REST: variants seen among roughly 807,000 people sequenced by gnomAD.
REST encodes RE1 silencing transcription factor.
REST carries 1 observed loss-of-function variant against 30.4 expected under a neutral mutation model. That is an observed-to-expected ratio of 0.03 (90% CI 0.01 to 0.16). The LOEUF is 0.16. Among genes scored for constraint, REST ranks in the 10% least tolerant of loss-of-function variants. The pLI is 1.00. For synonymous variants in REST, 504 were observed against 451.1 expected (o/e 1.12, Z -1.49); for missense variants, 1,259 against 1,329.5 (o/e 0.95, Z 0.82).
In REST at chr4:56,921,490, A is replaced by C. The variant is rs191119590; in HGVS notation, c.982+1620A>C. 1.9e-4 allele frequency among the ~76,000 whole-genome samples: 29 copies of C among 152,084 alleles called. No homozygotes were observed. In the East Asian group the frequency reaches 5.4e-3, roughly 28 times the overall value. The stretch of plus-strand genomic sequence containing the variant: ...GTGGCGCGCATCTCAGCTCACTGCA[A>C]CCTCTGCCTCCGGGGTTCAAGCAAT... On this transcript the variant is annotated intron_variant, in intron 3 of 3. Transcript: ENST00000309042.
Position 56,926,066 on chromosome 4 carries a change from G to A in REST, c.983-3775G>A, listed in dbSNP as rs540104074. ...ATACGTAAGAGTCTTCCCCTTGATTGATCGATTGATTGAGATGGAGTCTCA... is the reference window on the plus strand; with the variant it reads ...ATACGTAAGAGTCTTCCCCTTGATTAATCGATTGATTGAGATGGAGTCTCA... On this transcript the variant is annotated intron_variant, in intron 3 of 3. Coordinates refer to ENST00000309042, the MANE Select transcript of REST (RefSeq NM_005612.5). Among the ~76,000 whole-genome samples the A allele has an allele frequency of 2.6e-5, 4 of 152,226 alleles. No homozygotes were observed. The South Asian group carries it at 6.2e-4, about 24-fold the overall frequency.
In REST at chr4:56,930,431, G is replaced by T. The variant is rs1393178453; in HGVS notation, c.1573G>T (p.Val525Phe). ...KTKKSKRKLEVDSHSLHGPVN... is the reference protein window; with the variant it reads ...KTKKSKRKLEFDSHSLHGPVN... Reference sequence around the variant, plus strand: ...TAAGAAAAGCAAAAGGAAGCTGGAAGTTGACAGCCATTCTTTACATGGTCC... The same window carrying T: ...TAAGAAAAGCAAAAGGAAGCTGGAATTTGACAGCCATTCTTTACATGGTCC... The change falls in exon 4 of 4, where the codon GTT (valine) becomes TTT (phenylalanine). Residue 525 changes from valine to phenylalanine, a missense_variant. This residue lies in a region of REST where 856 missense variants were observed against 772.8 expected (regional missense o/e 1.11). Transcript: ENST00000309042. 6.2e-7 allele frequency: 1 copy of T among 1,613,870 alleles called. No individual in the cohort carries two copies. Among genetic ancestry groups the T allele is most frequent in the East Asian group, 2.2e-5 (1 of 44,882 alleles).
Position 56,921,339 on chromosome 4 carries a change from C to G in REST, c.982+1469C>G, listed in dbSNP as rs559557946. 1.7e-3 allele frequency among the ~76,000 whole-genome samples: 253 copies of G among 152,246 alleles called. 1 individual carries two copies. Among genetic ancestry groups the G allele is most frequent in the Non-Finnish European group, 3.0e-3 (201 of 68,008 alleles). The stretch of plus-strand genomic sequence containing the variant: ...TAGCCACATGTGGCTATTAAGCTTT[C>G]GAAACATTAGTAGTTTGAATTGATA... On this transcript the variant is annotated intron_variant, in intron 3 of 3. Transcript: ENST00000309042.
intron 1 of REST, among the ~76,000 whole-genome samples, chr4:56,910,247 G>A (rs1389558834): frequency 6.6e-6 from 1 of 152,092 alleles, no homozygotes; most frequent in African/African-American, 2.4e-5. Flanking sequence ...AAAGTTGGGA[G>A]GACAATAATT....
chr4:56,920,345 T>G (rs1023933776), intron 3 of REST, among the ~76,000 whole-genome samples: 9 of 150,516 alleles, frequency 6.0e-5, no homozygotes, highest in South Asian at 2.1e-4. Flanking sequence ...AAAGTTTAGC[T>G]TGAAAAAGAA....
intron 3 of REST, among the ~76,000 whole-genome samples, chr4:56,926,207 G>A (rs1384264867): frequency 1.3e-5 from 2 of 150,140 alleles, no homozygotes; most frequent in Non-Finnish European, 3.0e-5. Context: ...TTACAGGCAT[G>A]CACCACCACG....
In REST at chr4:56,932,081, T is replaced by A; in HGVS notation, c.3223T>A (p.Tyr1075Asn). Residue 1075 changes from tyrosine (Y) to asparagine (N), a missense_variant, in exon 4 of 4, where the codon TAC becomes AAC. Physicochemically the swap from Tyr to Asn is moderately radical, Grantham distance 143. Transcript: ENST00000309042. The stretch of plus-strand genomic sequence containing the variant: ...TCGTTCTTTCAGAAAGGGAAAAGAT[T>A]ACAGCAAACACCTCAATCGCCATTT... ...CDRSFRKGKDYSKHLNRHLVN... is the reference protein window; with the variant it reads ...CDRSFRKGKDNSKHLNRHLVN... 6.2e-7 allele frequency: 1 copy of A among 1,614,232 alleles called. No homozygotes were observed. The highest frequency in any genetic ancestry group is 8.5e-7 in the Non-Finnish European group (1 of 1,180,046).
intron 3 of REST, among the ~76,000 whole-genome samples, chr4:56,929,270 C>T (rs778812885): frequency 9.2e-5 from 14 of 151,680 alleles, no homozygotes; most frequent in Admixed American, 6.6e-4. Context: ...GGGGTTTCAC[C>T]GTGTTGGCCA....
In REST at chr4:56,930,877, T is replaced by C. The variant is rs781605508; in HGVS notation, c.2019T>C (p.Ala673=). The change falls in exon 4 of 4, where the codon GCT becomes GCC. Residue 673 remains alanine (A), a synonymous_variant. Transcript: ENST00000309042. ...AGCTGCTGCCTCCCGTGGAGCCTGC[T>C]CAGATGGTGGGTGCCCAAATTGTAC... is the stretch of plus-strand genomic sequence containing the variant. The part of the protein sequence containing the change: ...QKELLPPVEP[A]QMVGAQIVLA... 1 of 1,613,688 alleles carries C rather than the reference T, an allele frequency of 6.2e-7. No individual in the cohort carries two copies. The highest frequency in any genetic ancestry group is 8.5e-7 in the Non-Finnish European group (1 of 1,179,870).
chr4:56,924,838 T>C (rs1720610676), intron 3 of REST, among the ~76,000 whole-genome samples: 1 of 152,100 alleles, frequency 6.6e-6, no homozygotes, highest in African/African-American at 2.4e-5. Context: ...TTGCTGGTAA[T>C]GTATTGTATG....
rs369789287 is a variant in REST, at chr4:56,911,246, C to G, written c.608C>G (p.Ser203Cys). The G allele has an allele frequency of 2.3e-5, 37 of 1,614,054 alleles. No individual in the cohort carries two copies. In the African/African-American group the frequency reaches 3.1e-4, roughly 13 times the overall value. Reference protein sequence around the residue: ...EKQAKARESGSSTAEEGDFSK... With the variant: ...EKQAKARESGCSTAEEGDFSK... ...CAGGCAAAAGCCAGGGAATCTGGCT[C>G]TTCCACTGCAGAAGAGGGAGATTTC... is the stretch of plus-strand genomic sequence containing the variant. Residue 203 changes from serine (S) to cysteine (C), a missense_variant, in exon 2 of 4, where the codon TCT becomes TGT. Physicochemically the swap from Ser to Cys is moderately radical, Grantham distance 112. This residue lies in a region of REST where 249 missense variants were observed against 251.5 expected (regional missense o/e 0.99). Coordinates refer to ENST00000309042, the MANE Select transcript of REST (RefSeq NM_005612.5).
Position 56,911,004 on chromosome 4 carries a change from G to T in REST, c.366G>T (p.Gln122His). 13 of 1,614,184 alleles carry T rather than the reference G, an allele frequency of 8.1e-6. No individual in the cohort carries two copies. Among genetic ancestry groups the T allele is most frequent in the Non-Finnish European group, 1.0e-5 (12 of 1,180,038 alleles). ...RSLELSVVEP[Q>H]PVFEASGAPD... ...TGGAACTCAGCGTCGTAGAACCTCA[G>T]CCTGTATTTGAGGCATCAGGTGCTC... The change falls in exon 2 of 4, where the codon CAG becomes CAT. Residue 122 changes from glutamine to histidine, a missense_variant. Gln to His is a conservative substitution (Grantham distance 24). Around this residue, in one of 5 missense-constraint regions of REST, gnomAD observed 249 missense variants for 251.5 expected, o/e 0.99. Coordinates refer to ENST00000309042, the MANE Select transcript of REST (RefSeq NM_005612.5).
At chr4:56,917,925 G>T (rs934566587) in intron 2 of REST, among the ~76,000 whole-genome samples, 8 of 151,744 alleles carry the variant, frequency 5.3e-5, no homozygotes, top group South Asian at 2.1e-4. Context: ...GGTGGCGGGC[G>T]CCTGTAGTCC....
At chr4:56,914,784 C>T (rs1179455400) in intron 2 of REST, among the ~76,000 whole-genome samples, 1 of 152,060 alleles carries the variant, frequency 6.6e-6, no homozygotes, top group East Asian at 1.9e-4. Context: ...GAACTCCTGA[C>T]CTCAGGTCGT....
chr4:56,917,345 G>C (rs1720247863), intron 2 of REST, among the ~76,000 whole-genome samples: 1 of 152,084 alleles, frequency 6.6e-6, no homozygotes, highest in East Asian at 1.9e-4. Flanking sequence ...TTTGTTTTAA[G>C]ACAGGGTCTC....
rs1261755869 is a variant in REST, at chr4:56,930,177, A to T, written c.1319A>T (p.Asn440Ile). ...TKKREADLPDNITNEKTEIEQ... is the reference protein window; with the variant it reads ...TKKREADLPDIITNEKTEIEQ... ...AAACGAGAGGCTGACTTGCCTGATA[A>T]TATTACCAATGAAAAAACAGAAATA... The change falls in exon 4 of 4, where the codon AAT (asparagine) becomes ATT (isoleucine). Residue 440 changes from asparagine (N) to isoleucine (I), a missense_variant. Coordinates refer to ENST00000309042, the MANE Select transcript of REST (RefSeq NM_005612.5). The T allele has an allele frequency of 4.3e-6, 7 of 1,610,472 alleles. No individual in the cohort carries two copies. The highest frequency in any genetic ancestry group is 5.9e-6 in the Non-Finnish European group (7 of 1,179,272).
At chr4:56,926,534 G>A (rs550737572) in intron 3 of REST, among the ~76,000 whole-genome samples, 1 of 151,634 alleles carries the variant, frequency 6.6e-6, no homozygotes, top group African/African-American at 2.4e-5. Context: ...GCATCACCAC[G>A]CCTAGCTAAT....
intron 1 of REST, among the ~76,000 whole-genome samples, chr4:56,910,289 T>C (rs1473952411): frequency 6.6e-6 from 1 of 152,206 alleles, no homozygotes; most frequent in Admixed American, 6.5e-5. Context: ...TTAAAATAAT[T>C]TTAACAGTAA....
In REST at chr4:56,907,964, G is replaced by A. The variant is rs1719696568; in HGVS notation, c.-259G>A. The A allele has an allele frequency of 5.7e-6, 2 of 350,554 alleles. No individual in the cohort carries two copies. Among genetic ancestry groups the A allele is most frequent in the Admixed American group, 9.6e-5 (2 of 20,926 alleles). 21.7% of individuals were successfully genotyped at this position (350,554 alleles called of 1,614,324 possible). On this transcript the variant is annotated 5_prime_UTR_variant, in exon 1 of 4. Transcript: ENST00000309042. ...CGCGAGCTCGCGGCGCAGCAGCGGA[G>A]CGAGCGCCGCCGAGGCCCGGGGCCC... is the stretch of plus-strand genomic sequence containing the variant.
Sources: allele counts gnomAD v4.1 joint callset (sites outside exome capture counted in the v4.1 genomes callset), GRCh38; gene constraint gnomAD v4.1.1; regional missense constraint gnomAD v4.1.1; transcripts MANE v1.5; gene names NCBI Gene and HGNC (gene_info 2026-07-23, HGNC 2026-07-21).